BBS5: variants seen among roughly 807,000 people sequenced by gnomAD.
BBS5 encodes BBSome complex member BBS5.
Under a neutral mutation model 50.2 loss-of-function variants are expected in BBS5, and 39 were observed. The observed-to-expected ratio is 0.78, with a 90% CI of 0.60 to 1.01. BBS5 has a LOEUF of 1.01. Among genes scored for constraint, BBS5 ranks in the 50% least tolerant of loss-of-function variants. The pLI, the probability that BBS5 is intolerant of heterozygous loss-of-function variation, is 0.00. For missense variants in BBS5, 356 were observed against 401.5 expected (o/e 0.89, Z 0.97); for synonymous variants, 134 against 133.1 (o/e 1.01, Z -0.05).
At chr2:169,487,469 C>G (rs1222227475) in intron 3 of BBS5, among the ~76,000 whole-genome samples, 2 of 151,898 alleles carry the variant, frequency 1.3e-5, no homozygotes, top group Non-Finnish European at 2.9e-5. Context: ...TTTTGTTTCA[C>G]TTATTTTTTT....
At position 169,492,886 on chromosome 2, in the gene BBS5, T is replaced by G. The variant is rs1254506429; in HGVS notation, c.399T>G (p.Thr133=). The change falls in exon 6 of 12, where the codon ACT becomes ACG. Residue 133 remains threonine, a synonymous_variant. Coordinates refer to ENST00000295240, the MANE Select transcript of BBS5 (RefSeq NM_152384.3). ...TTCTTTTTCATAGAGCTTATGAAAC[T>G]TCTAAAATGTATCGTGATTTTAAAT... ...SVMAVHRAYE[T]SKMYRDFKLR... is the part of the protein sequence containing the mutation. 5.0e-6 allele frequency: 8 copies of G among 1,612,388 alleles called. No homozygotes were observed. Among genetic ancestry groups the G allele is most frequent in the Non-Finnish European group, 6.8e-6 (8 of 1,179,080 alleles).
chr2:169,481,683 T>C (rs536297406), intron 1 of BBS5, among the ~76,000 whole-genome samples: 1 of 152,170 alleles, frequency 6.6e-6, no homozygotes, highest in South Asian at 2.1e-4. Context: ...TCTTATTTCC[T>C]TTTGTCACCT....
chr2:169,499,111 CT>C, intron 8 of BBS5: 1 of 198,402 alleles, frequency 5.0e-6, no homozygotes, highest in Non-Finnish European at 1.0e-5. Flanking sequence ...TTCCCTTGGC[CT>C]TCACAGTCTA....
intron 10 of BBS5, among the ~76,000 whole-genome samples, chr2:169,503,663 C>G (rs1683848973): frequency 6.6e-6 from 1 of 152,088 alleles, no homozygotes; most frequent in South Asian, 2.1e-4. Flanking sequence ...ATGTTCATCT[C>G]TTAATTTATA....
chr2:169,504,209 A>G, intron 10 of BBS5, 94 bp from the exon 11 acceptor site: 1 of 1,097,508 alleles, frequency 9.1e-7, no homozygotes, highest in South Asian at 1.3e-5. Context: ...ACATTTAGTT[A>G]TAAAATCATT....
At chr2:169,481,363 C>T (rs1457033954) in intron 1 of BBS5, among the ~76,000 whole-genome samples, 1 of 152,162 alleles carries the variant, frequency 6.6e-6, no homozygotes, top group African/African-American at 2.4e-5. Context: ...AAGAATTTAG[C>T]GTTAGAAGCA....
chr2:169,501,410 A>G (rs1683799337), intron 9 of BBS5, among the ~76,000 whole-genome samples: 2 of 152,164 alleles, frequency 1.3e-5, no homozygotes, highest in African/African-American at 4.8e-5. Flanking sequence ...ATCCTAGGCA[A>G]ATCTGAGCTT....
At chr2:169,492,507 G>A (rs561755034) in intron 5 of BBS5, among the ~76,000 whole-genome samples, 1 of 151,534 alleles carries the variant, frequency 6.6e-6, no homozygotes, top group South Asian at 2.1e-4. Flanking sequence ...AAAAAAATAG[G>A]TTATTGAGAT....
intron 10 of BBS5, among the ~76,000 whole-genome samples, chr2:169,503,988 CT>C (rs1003854251): frequency 3.0e-4 from 46 of 152,122 alleles, no homozygotes; most frequent in Non-Finnish European, 3.7e-4. Flanking sequence ...TTTTTCTTTT[CT>C]TTTTTTCTCT....
At chr2:169,483,704 GC>G (rs1377901268) in intron 2 of BBS5, among the ~76,000 whole-genome samples, 3 of 152,104 alleles carry the variant, frequency 2.0e-5, no homozygotes, top group Non-Finnish European at 4.4e-5. Context: ...CTGCCTACTT[GC>G]CACCACCTAC....
intron 6 of BBS5, among the ~76,000 whole-genome samples, chr2:169,493,430 G>A (rs1179501661): frequency 6.6e-6 from 1 of 152,114 alleles, no homozygotes; most frequent in Non-Finnish European, 1.5e-5. Flanking sequence ...TAACATTTAG[G>A]CACTGTGTTA....
intron 2 of BBS5, 186 bp downstream of exon 2, chr2:169,482,519 G>A: frequency 3.5e-6 from 2 of 570,468 alleles, no homozygotes; most frequent in South Asian, 3.9e-5. Flanking sequence ...CATGTAGTTT[G>A]GTCCTTCAGT....
intron 5 of BBS5, among the ~76,000 whole-genome samples, chr2:169,489,816 ATATTTTTTG>A (rs1388316548): frequency 2.1e-5 from 2 of 95,100 alleles, no homozygotes; most frequent in South Asian, 3.6e-4. Context: ...CATTTTTCAT[ATATTTTTTG>A]TATTTTTTGG....
At chr2:169,504,455 A>G (rs1290566508) in intron 11 of BBS5, 26 bp from the exon 12 acceptor site, 2 of 1,603,738 alleles carry the variant, frequency 1.2e-6, no homozygotes. Flanking sequence ...CTCTATTCCC[A>G]TCTTATCCTC....
intron 1 of BBS5, among the ~76,000 whole-genome samples, chr2:169,481,164 T>C (rs1683388904): frequency 6.6e-6 from 1 of 152,214 alleles, no homozygotes; most frequent in African/African-American, 2.4e-5. Flanking sequence ...ACAACCACTA[T>C]AATAAATGTG....
At chr2:169,492,358 C>G (rs546028168) in intron 5 of BBS5, among the ~76,000 whole-genome samples, 1 of 151,984 alleles carries the variant, frequency 6.6e-6, no homozygotes, top group Non-Finnish European at 1.5e-5. Context: ...GGCATGGTGT[C>G]GTGCGCCTAT....
intron 9 of BBS5, among the ~76,000 whole-genome samples, chr2:169,501,987 CCTGA>C (rs1683813522): frequency 6.6e-6 from 1 of 152,098 alleles, no homozygotes; most frequent in Admixed American, 6.5e-5. Flanking sequence ...CAGGATCTTC[CCTGA>C]CTATTCTTCT....
intron 2 of BBS5, among the ~76,000 whole-genome samples, chr2:169,486,497 G>T (rs1029257681): frequency 4.6e-5 from 7 of 152,182 alleles, no homozygotes; most frequent in African/African-American, 1.7e-4. Context: ...ATGAACATCA[G>T]TCTGATGCTA....
At chr2:169,487,590 G>A (rs1448861184) in intron 3 of BBS5, among the ~76,000 whole-genome samples, 1 of 151,584 alleles carries the variant, frequency 6.6e-6, no homozygotes, top group African/African-American at 2.4e-5. Context: ...TTTTTCCTGT[G>A]TTATATTTTT....
Sources: gnomAD v4.1 joint callset for allele counts (sites outside exome capture counted in the v4.1 genomes callset) on GRCh38, gnomAD v4.1.1 for gene constraint, MANE v1.5 for transcripts, NCBI Gene and HGNC (gene_info 2026-07-23, HGNC 2026-07-21) for gene names.